ELAPOR2: variants seen among roughly 807,000 people sequenced by gnomAD.
The protein encoded by ELAPOR2 is endosome/lysosome-associated apoptosis and autophagy regulator family member 2.
In ELAPOR2, 89 loss-of-function variants were observed where a neutral mutation model predicts 120.7. The ratio of observed to expected loss-of-function variants is 0.74; its 90% CI spans 0.62 to 0.88. The LOEUF (loss-of-function observed/expected upper bound fraction) is 0.88. ELAPOR2 is among the 40% of genes least tolerant of loss of function. ELAPOR2 has a pLI of 0.00. For synonymous variants in ELAPOR2, 444 were observed against 444.9 expected (o/e 1.00, Z 0.03); for missense variants, 1,134 against 1,251.6 (o/e 0.91, Z 1.42).
At chr7:86,946,172 C>A (rs931935515) in intron 3 of ELAPOR2, among the ~76,000 whole-genome samples, 9 of 151,900 alleles carry the variant, frequency 5.9e-5, no homozygotes, top group Admixed American at 2.0e-4. Flanking sequence ...CACACACACA[C>A]ACACACACAC....
At chr7:86,895,931 C>T (rs923700931) in intron 19 of ELAPOR2, among the ~76,000 whole-genome samples, 1 of 151,996 alleles carries the variant, frequency 6.6e-6, no homozygotes, top group African/African-American at 2.4e-5. Context: ...AAAGCATTAT[C>T]ATTATTAAGA....
chr7:87,019,917 A>G (rs1793985404), intron 1 of ELAPOR2, among the ~76,000 whole-genome samples: 1 of 152,190 alleles, frequency 6.6e-6, no homozygotes, highest in African/African-American at 2.4e-5. Flanking sequence ...ATTCAAAATT[A>G]TGTTACACCA....
At chr7:87,020,845 C>T (rs1794015608) in intron 1 of ELAPOR2, among the ~76,000 whole-genome samples, 1 of 151,964 alleles carries the variant, frequency 6.6e-6, no homozygotes, top group African/African-American at 2.4e-5. Context: ...TTAAAATTTA[C>T]CAAATCATTT....
intron 2 of ELAPOR2, among the ~76,000 whole-genome samples, chr7:86,951,615 A>T (rs1791248027): frequency 1.3e-5 from 2 of 152,238 alleles, no homozygotes; most frequent in Non-Finnish European, 2.9e-5. Context: ...TTACAAACAC[A>T]GTAAATTCTT....
At chr7:86,905,272 A>C (rs1788955596) in intron 18 of ELAPOR2, among the ~76,000 whole-genome samples, 1 of 137,556 alleles carries the variant, frequency 7.3e-6, no homozygotes, top group African/African-American at 3.3e-5. Context: ...GGCTATGTTG[A>C]CTTTTTTTTT....
chr7:87,048,394 T>A (rs887916041), intron 1 of ELAPOR2, among the ~76,000 whole-genome samples: 1 of 152,106 alleles, frequency 6.6e-6, no homozygotes, highest in African/African-American at 2.4e-5. Context: ...AAGACACACA[T>A]CACACGTTCT....
At chr7:86,976,152 CCTCT>C (rs1400737723) in intron 1 of ELAPOR2, among the ~76,000 whole-genome samples, 1 of 152,098 alleles carries the variant, frequency 6.6e-6, no homozygotes, top group Non-Finnish European at 1.5e-5. Context: ...CAAGAGAAAA[CCTCT>C]CTCTCTAGAT....
intron 6 of ELAPOR2, among the ~76,000 whole-genome samples, chr7:86,939,316 C>T (rs1429822932): frequency 1.3e-5 from 2 of 151,682 alleles, no homozygotes; most frequent in Non-Finnish European, 2.9e-5. Context: ...CTTTTTTTTC[C>T]ACTGCTTATT....
At chr7:86,880,690 C>A (rs1004418363) in intron 21 of ELAPOR2, among the ~76,000 whole-genome samples, 160 bp from the exon 22 acceptor site, 10 of 150,260 alleles carry the variant, frequency 6.7e-5, no homozygotes, top group African/African-American at 2.5e-4. Flanking sequence ...AGATATAAAA[C>A]AAGTAGCATG....
At chr7:86,938,275 CA>C (rs1562932582) in intron 7 of ELAPOR2, 61 bp from the exon 8 acceptor site, 1 of 1,266,792 alleles carries the variant, frequency 7.9e-7, no homozygotes. Flanking sequence ...TAAGAAAAGG[CA>C]AAAAAGCAAA....
chr7:87,052,767 G>GTTTGTTTTGTTTTGT (rs1298057074), intron 1 of ELAPOR2, among the ~76,000 whole-genome samples: 11 of 102,710 alleles, frequency 1.1e-4, no homozygotes, highest in African/African-American at 2.4e-4. Context: ...TGATCACAGG[G>GTTTGTTTTGTTTTGT]TTTGTTTTCT....
chr7:86,920,396 TA>T (rs1789775085), intron 10 of ELAPOR2, among the ~76,000 whole-genome samples: 1 of 152,072 alleles, frequency 6.6e-6, no homozygotes, highest in Non-Finnish European at 1.5e-5. Context: ...GAGAGGCACT[TA>T]GGTTTAAAGA....
intron 14 of ELAPOR2, 59 bp downstream of exon 14, chr7:86,912,881 CT>C (rs992621387): frequency 6.4e-7 from 1 of 1,571,042 alleles, no homozygotes; most frequent in African/African-American, 1.4e-5. Context: ...AAGGAGAACG[CT>C]TGAATTTCTC....
chr7:87,018,053 CAG>C (rs1793925098), intron 1 of ELAPOR2, among the ~76,000 whole-genome samples: 1 of 151,950 alleles, frequency 6.6e-6, no homozygotes, highest in South Asian at 2.1e-4. Flanking sequence ...TTTTTTGAGA[CAG>C]AGTCTTGCTC....
At chr7:86,881,851 CA>C (rs1400277027) in intron 21 of ELAPOR2, among the ~76,000 whole-genome samples, 1 of 152,128 alleles carries the variant, frequency 6.6e-6, no homozygotes, top group African/African-American at 2.4e-5. Context: ...CAATCAGTCT[CA>C]CATGCAAATA....
chr7:86,945,223 G>T (rs949920452), intron 3 of ELAPOR2, among the ~76,000 whole-genome samples, 177 bp from the exon 4 acceptor site: 1 of 152,086 alleles, frequency 6.6e-6, no homozygotes, highest in Non-Finnish European at 1.5e-5. Flanking sequence ...CATTTCTTAT[G>T]GCAAATAACT....
rs78198850 is a variant in ELAPOR2, at chr7:86,934,795, C to T, written c.1089+3331G>A. On this transcript the variant is annotated intron_variant, in intron 8 of 21. Transcript: ENST00000450689. ...TGGCCCTTCCAATATCTCCTCTTGC[C>T]CCATCTCACAACTTGGTCAAAACTG... is the stretch of plus-strand genomic sequence containing the variant. 5.9e-3 allele frequency among the ~76,000 whole-genome samples: 904 copies of T among 152,032 alleles called. 11 individuals carry two copies. Among genetic ancestry groups the T allele is most frequent in the African/African-American group, 0.02 (840 of 41,518 alleles).
chr7:86,955,076 CA>C (rs1791417592), intron 2 of ELAPOR2, among the ~76,000 whole-genome samples: 1 of 152,000 alleles, frequency 6.6e-6, no homozygotes, highest in African/African-American at 2.4e-5. Context: ...TCTTTTCACA[CA>C]CCAAAAAAGC....
intron 8 of ELAPOR2, among the ~76,000 whole-genome samples, chr7:86,928,468 G>A (rs1790177374): frequency 6.6e-6 from 1 of 151,966 alleles, no homozygotes; most frequent in Non-Finnish European, 1.5e-5. Context: ...GTGAGCTACT[G>A]CACTAGTGAA....
Sources: allele counts gnomAD v4.1 joint callset (sites outside exome capture counted in the v4.1 genomes callset), GRCh38; gene constraint gnomAD v4.1.1; transcripts MANE v1.5; gene names NCBI Gene and HGNC (gene_info 2026-07-23, HGNC 2026-07-21).